IGF2BP1: variants seen among roughly 807,000 people sequenced by gnomAD.
IGF2BP1 encodes insulin-like growth factor 2 mRNA-binding protein 1.
In IGF2BP1, 11 loss-of-function variants were observed where a neutral mutation model predicts 74.9. That is an observed-to-expected ratio of 0.15 (90% CI 0.09 to 0.24). The LOEUF (loss-of-function observed/expected upper bound fraction) is 0.24, where lower values mean the gene tolerates loss of function less well. Ranked by LOEUF, IGF2BP1 falls within the 10% of genes least tolerant of loss-of-function variation. IGF2BP1 has a pLI of 1.00. For synonymous variants in IGF2BP1, 287 were observed against 281.8 expected, an observed-to-expected ratio of 1.02 and a Z score of -0.18; for missense variants, 440 against 757.4, an observed-to-expected ratio of 0.58 and a Z score of 4.92.
intron 6 of IGF2BP1, among the ~76,000 whole-genome samples, chr17:49,039,330 G>A (rs749788830): frequency 3.9e-5 from 6 of 152,120 alleles, no homozygotes; most frequent in Non-Finnish European, 7.4e-5. Flanking sequence ...GAATTCAAGC[G>A]GAAATGCAGC....
At chr17:49,041,302 G>C in intron 7 of IGF2BP1, 76 bp from the exon 8 acceptor site, 1 of 1,535,584 alleles carries the variant, frequency 6.5e-7, no homozygotes, top group South Asian at 1.2e-5. Flanking sequence ...GTCTGGGGTG[G>C]CATGGTGATT....
In IGF2BP1 at chr17:48,997,485, G is replaced by A. The variant is rs905436820; in HGVS notation, c.-261G>A. ...CCTCTCGGAGGGGTTTCGGACCGAA[G>A]GGAAGAAGCTGCGCCGTGTCGTCCG... On this transcript the variant is annotated 5_prime_UTR_variant, in exon 1 of 15. Transcript: ENST00000290341. This position sits in a 1 kb window ranked among gnomAD's most constrained non-coding sequence, Gnocchi z 4.8. 3 of 388,790 alleles carry A rather than the reference G, an allele frequency of 7.7e-6. No homozygotes were observed. Among genetic ancestry groups the A allele is most frequent in the Non-Finnish European group, 1.4e-5 (3 of 217,098 alleles). The allele number at this position is 388,790 out of a possible 1,614,324, so 24.1% of individuals were successfully genotyped here.
intron 11 of IGF2BP1, 80 bp downstream of exon 11, chr17:49,044,166 C>T (rs2042084377): frequency 6.5e-7 from 1 of 1,530,172 alleles, no homozygotes; most frequent in Non-Finnish European, 8.8e-7. Context: ...CTCCCATATT[C>T]CCCCTACTCA....
chr17:49,021,435 T>G (rs961963038), intron 2 of IGF2BP1, among the ~76,000 whole-genome samples: 3 of 152,174 alleles, frequency 2.0e-5, no homozygotes, highest in Non-Finnish European at 4.4e-5. Flanking sequence ...GTGGCTCTTA[T>G]GCCTCCTCCT....
intron 2 of IGF2BP1, chr17:49,012,454 C>T (rs1462293703): frequency 6.6e-6 from 1 of 152,184 alleles, no homozygotes; most frequent in African/African-American, 2.4e-5. Flanking sequence ...TGAATCCTCC[C>T]CATCTCCAGA....
chr17:49,032,003 C>T (rs775127625), intron 5 of IGF2BP1, 30 bp downstream of exon 5: 24 of 872,252 alleles, frequency 2.8e-5, no homozygotes, highest in African/African-American at 5.5e-5. Context: ...GGGCTGGGTG[C>T]GGTGGGGGGG....
At position 49,050,721 on chromosome 17, in the gene IGF2BP1, AATTC is replaced by A. The variant is rs1395259121; in HGVS notation, c.*1279_*1282del. The A allele has an allele frequency of 6.6e-6, 1 of 152,360 alleles. No homozygotes were observed. The highest frequency in any genetic ancestry group is 1.5e-5 in the Non-Finnish European group (1 of 68,030). 9.4% of individuals were successfully genotyped at this position (152,360 alleles called of 1,614,324 possible). A position where few individuals can be genotyped will look rare whatever the true frequency, so the allele number is the denominator to read the frequency against. On this transcript the variant is annotated 3_prime_UTR_variant, in exon 15 of 15. Coordinates refer to ENST00000290341, the MANE Select transcript of IGF2BP1 (RefSeq NM_006546.4). ...ATGATGAAAGGTGTGTCTAAAAAAC[AATTC>A]AGAATACCAGCAGCATTGTACAGCA...
At chr17:49,026,680 CCTTCCT>C in intron 4 of IGF2BP1, among the ~76,000 whole-genome samples, 163 bp downstream of exon 4, 1 of 32,088 alleles carries the variant, frequency 3.1e-5, no homozygotes. Flanking sequence ...TTCCTTCCTG[CCTTCCT>C]GCCTTCCTGC....
intron 3 of IGF2BP1, among the ~76,000 whole-genome samples, chr17:49,026,214 A>G (rs2041851480): frequency 6.6e-6 from 1 of 152,268 alleles, no homozygotes; most frequent in South Asian, 2.1e-4. Flanking sequence ...ATGGCAGAAG[A>G]TAATTTAGGG....
upstream of IGF2BP1, among the ~76,000 whole-genome samples, chr17:48,996,856 G>A (rs946227442): frequency 6.6e-6 from 1 of 152,060 alleles, no homozygotes; most frequent in African/African-American, 2.4e-5. Context: ...GGCTGGCGTG[G>A]GGAAGGCGGA....
chr17:48,999,654 C>T (rs911612030), intron 2 of IGF2BP1, among the ~76,000 whole-genome samples: 2 of 152,012 alleles, frequency 1.3e-5, no homozygotes, highest in Non-Finnish European at 2.9e-5. Flanking sequence ...CAAAGAATCC[C>T]CTTATGCTTG....
intron 2 of IGF2BP1, among the ~76,000 whole-genome samples, chr17:49,002,557 GA>G (rs1474169609): frequency 6.6e-6 from 1 of 152,042 alleles, no homozygotes; most frequent in Admixed American, 6.5e-5. Flanking sequence ...TTGTAATTAT[GA>G]ATTAGTATCC....
At chr17:49,009,030 TG>T (rs1331073231) in intron 2 of IGF2BP1, among the ~76,000 whole-genome samples, 1 of 152,096 alleles carries the variant, frequency 6.6e-6, no homozygotes, top group African/African-American at 2.4e-5. Context: ...AATTTTTTTT[TG>T]TTTCTGTTTT....
chr17:49,009,932 T>C (rs949983522), intron 2 of IGF2BP1, among the ~76,000 whole-genome samples: 10 of 151,682 alleles, frequency 6.6e-5, no homozygotes, highest in Non-Finnish European at 1.5e-4. Flanking sequence ...ATACAAAAAT[T>C]AGTCGGGCGT....
intron 2 of IGF2BP1, among the ~76,000 whole-genome samples, chr17:49,014,328 C>T (rs1379911931): frequency 6.7e-6 from 1 of 148,612 alleles, no homozygotes; most frequent in Non-Finnish European, 1.5e-5. Flanking sequence ...CTCAGCCCCC[C>T]AGTCGCCGTC....
At position 48,997,983 on chromosome 17, in the gene IGF2BP1, C is replaced by T; in HGVS notation, c.175+63C>T. The T allele has an allele frequency of 1.3e-6, 2 of 1,544,586 alleles. No individual in the cohort carries two copies. Among genetic ancestry groups the T allele is most frequent in the Middle Eastern group, 2.1e-4 (1 of 4,778 alleles). The stretch of plus-strand genomic sequence containing the variant: ...GAGCCCCGAACAACGGAGACCCGCA[C>T]CTTCCGGTTCCTCTCCCGCCAACTC... On this transcript the variant is annotated intron_variant, in intron 1 of 14. Coordinates refer to ENST00000290341, the MANE Select transcript of IGF2BP1 (RefSeq NM_006546.4). This position sits in a 1 kb window ranked among gnomAD's most constrained non-coding sequence, Gnocchi z 4.8.
Position 48,997,509 on chromosome 17 carries a change from C to T in IGF2BP1, c.-237C>T. On this transcript the variant is annotated 5_prime_UTR_variant, in exon 1 of 15. Coordinates refer to ENST00000290341, the MANE Select transcript of IGF2BP1 (RefSeq NM_006546.4). The surrounding 1 kb of genome is among the most constrained non-coding windows in gnomAD (Gnocchi z 4.8). Reference sequence around the variant, plus strand: ...AGGGAAGAAGCTGCGCCGTGTCGTCCGTCTCCCTGCGCGCCGCGGGCACTT... The same window carrying T: ...AGGGAAGAAGCTGCGCCGTGTCGTCTGTCTCCCTGCGCGCCGCGGGCACTT... 2 of 503,460 alleles carry T rather than the reference C, an allele frequency of 4.0e-6. No homozygotes were observed. The highest frequency in any genetic ancestry group is 2.0e-5 in the African/African-American group (1 of 49,742). 31.2% of individuals were successfully genotyped at this position (503,460 alleles called of 1,614,324 possible).
Position 48,997,595 on chromosome 17 carries a change from C to A in IGF2BP1, c.-151C>A. ...GCGCGCCCTCAGGCCGCCTTCCCCG[C>A]CCTGGGCTCGGGACAACTTCTGGGG... On this transcript the variant is annotated 5_prime_UTR_variant, in exon 1 of 15. Transcript: ENST00000290341. The surrounding 1 kb of genome is among the most constrained non-coding windows in gnomAD (Gnocchi z 4.8). The A allele has an allele frequency of 1.2e-6, 1 of 813,016 alleles. No homozygotes were observed. The highest frequency in any genetic ancestry group is 2.7e-5 in the East Asian group (1 of 36,844). The allele number at this position is 813,016 out of a possible 1,614,324, so 50.4% of individuals were successfully genotyped here.
At chr17:49,032,581 C>A (rs1382491359) in intron 5 of IGF2BP1, among the ~76,000 whole-genome samples, 1 of 152,164 alleles carries the variant, frequency 6.6e-6, no homozygotes, top group Non-Finnish European at 1.5e-5. Context: ...AATATCCGAG[C>A]CCGTTATAGG....
Sources: gnomAD v4.1 joint callset for allele counts (sites outside exome capture counted in the v4.1 genomes callset) on GRCh38, gnomAD v4.1.1 for gene constraint, Gnocchi (gnomAD v3.1) non-coding constraint, MANE v1.5 for transcripts, NCBI Gene and HGNC (gene_info 2026-07-23, HGNC 2026-07-21) for gene names.